Variants in MBD5 observed in about 807,000 individuals in gnomAD.
MBD5 encodes the protein methyl-CpG binding domain protein 5.
MBD5 carries 13 observed loss-of-function variants against 117.3 expected under a neutral mutation model. The ratio of observed to expected loss-of-function variants is 0.11; its 90% CI spans 0.07 to 0.18. The LOEUF is 0.18. Among genes scored for constraint, MBD5 ranks in the 10% least tolerant of loss-of-function variants. The probability of loss-of-function intolerance (pLI) is 1.00; values close to 1 mark genes in which losing one functional copy is unlikely to be tolerated. For missense variants in MBD5, 1,879 were observed against 2,093.8 expected (o/e 0.90, Z 2.00); for synonymous variants, 727 against 766.4 (o/e 0.95, Z 0.85).
intron 1 of MBD5, among the ~76,000 whole-genome samples, chr2:148,163,591 T>A (rs929959406): frequency 2.0e-5 from 3 of 152,096 alleles, no homozygotes; most frequent in African/African-American, 4.8e-5. Context: ...AATTTTGTAT[T>A]TGTAGTACAG....
At chr2:148,252,144 G>C (rs1415116292) in intron 3 of MBD5, among the ~76,000 whole-genome samples, 1 of 152,130 alleles carries the variant, frequency 6.6e-6, no homozygotes, top group Non-Finnish European at 1.5e-5. Flanking sequence ...GGCTTTTGCT[G>C]TCCAGAGTAT....
At chr2:148,100,353 CCT>C (rs1696176208) in intron 1 of MBD5, among the ~76,000 whole-genome samples, 1 of 152,176 alleles carries the variant, frequency 6.6e-6, no homozygotes, top group Non-Finnish European at 1.5e-5. Flanking sequence ...TAAGTTCAAA[CCT>C]CTATTTATAG....
chr2:148,302,030 G>C (rs1701786102), intron 3 of MBD5, among the ~76,000 whole-genome samples: 1 of 152,106 alleles, frequency 6.6e-6, no homozygotes, highest in Non-Finnish European at 1.5e-5. Flanking sequence ...TTGGGAATGG[G>C]GGGCCCTCTC....
At chr2:148,222,490 GTT>G (rs1233745251) in intron 2 of MBD5, among the ~76,000 whole-genome samples, 4 of 151,906 alleles carry the variant, frequency 2.6e-5, no homozygotes, top group African/African-American at 9.7e-5. Flanking sequence ...CTTTCATTAA[GTT>G]AATTCCTAGG....
intron 1 of MBD5, among the ~76,000 whole-genome samples, chr2:148,051,151 ATTC>A (rs1199138884): frequency 6.6e-6 from 1 of 152,082 alleles, no homozygotes; most frequent in Non-Finnish European, 1.5e-5. Context: ...GGCTAAATTT[ATTC>A]TTAAGTATTT....
chr2:148,412,300 GT>G (rs1705280224), intron 4 of MBD5, among the ~76,000 whole-genome samples: 1 of 150,132 alleles, frequency 6.7e-6, no homozygotes, highest in Non-Finnish European at 1.5e-5. Context: ...GTGTGTGTGT[GT>G]GTAGAGAGAG....
In MBD5 at chr2:148,267,093, G is replaced by C. The variant is rs1425675725; in HGVS notation, c.-680+33698G>C. On this transcript the variant is annotated intron_variant, in intron 3 of 13. Transcript: ENST00000642680. ...AACAAAAAACATGCAGGAGGTATGA[G>C]GCTAATGTTGATTTGGGAGGTGATG... Among the ~76,000 whole-genome samples, 3 of 152,254 alleles carry C rather than the reference G, an allele frequency of 2.0e-5. No individual in the cohort carries two copies. In the East Asian group the frequency reaches 5.8e-4, roughly 29 times the overall value.
intron 3 of MBD5, among the ~76,000 whole-genome samples, chr2:148,282,568 G>C (rs1381586781): frequency 2.6e-5 from 4 of 151,632 alleles, no homozygotes; most frequent in Non-Finnish European, 5.9e-5. Flanking sequence ...ATGTGTGTGT[G>C]TGTATATATA....
chr2:148,305,514 T>G (rs1701871458), intron 3 of MBD5, among the ~76,000 whole-genome samples: 1 of 152,162 alleles, frequency 6.6e-6, no homozygotes, highest in African/African-American at 2.4e-5. Context: ...CAAAGCATCT[T>G]TAAATGGTCG....
At chr2:148,178,532 T>G (rs1267072548) in intron 1 of MBD5, among the ~76,000 whole-genome samples, 168 bp from the exon 2 acceptor site, 1 of 152,226 alleles carries the variant, frequency 6.6e-6, no homozygotes, top group Non-Finnish European at 1.5e-5. Context: ...CGGTTAATCT[T>G]AATGTTATTG....
chr2:148,488,878 AG>A (rs1186795405), intron 10 of MBD5, among the ~76,000 whole-genome samples: 9 of 152,078 alleles, frequency 5.9e-5, no homozygotes, highest in Non-Finnish European at 1.3e-4. Flanking sequence ...TCTGAAAACT[AG>A]TGTCATGTTA....
intron 1 of MBD5, chr2:148,025,631 G>C (rs1323862236): frequency 6.7e-6 from 1 of 150,174 alleles, no homozygotes; most frequent in Non-Finnish European, 1.5e-5. Flanking sequence ...TCATATAACA[G>C]ATTATCATTC....
At chr2:148,335,539 C>T (rs77896420) in intron 3 of MBD5, among the ~76,000 whole-genome samples, 4,050 of 151,994 alleles carry the variant, frequency 0.027, 163 homozygotes, top group African/African-American at 0.092. Flanking sequence ...GGCAACATAG[C>T]GAGCCCTCTT....
At chr2:148,219,172 G>T (rs922817653) in intron 2 of MBD5, among the ~76,000 whole-genome samples, 1 of 151,762 alleles carries the variant, frequency 6.6e-6, no homozygotes, top group Admixed American at 6.6e-5. Flanking sequence ...AAACTTTGTT[G>T]TTAAAAACTA....
At chr2:148,423,296 G>A (rs1451353681) in intron 4 of MBD5, among the ~76,000 whole-genome samples, 1 of 151,664 alleles carries the variant, frequency 6.6e-6, no homozygotes, top group Non-Finnish European at 1.5e-5. Flanking sequence ...TTAAAGAAAA[G>A]AATTTTCTTT....
intron 2 of MBD5, among the ~76,000 whole-genome samples, chr2:148,221,913 T>G (rs940775992): frequency 7.9e-5 from 12 of 152,166 alleles, no homozygotes; most frequent in Non-Finnish European, 1.5e-4. Flanking sequence ...AAATCTTTAA[T>G]GTATTTCTAT....
intron 1 of MBD5, among the ~76,000 whole-genome samples, chr2:148,084,180 C>T (rs1695720458): frequency 6.6e-6 from 1 of 152,148 alleles, no homozygotes; most frequent in South Asian, 2.1e-4. Flanking sequence ...TCTTATGTCA[C>T]CATTAATATT....
intron 4 of MBD5, among the ~76,000 whole-genome samples, chr2:148,423,519 C>G (rs1403715035): frequency 1.3e-5 from 2 of 152,072 alleles, no homozygotes; most frequent in African/African-American, 2.4e-5. Context: ...TCATCACCAC[C>G]AGGCCTACCT....
At chr2:148,358,510 C>T (rs903680786) in intron 4 of MBD5, among the ~76,000 whole-genome samples, 18 of 151,786 alleles carry the variant, frequency 1.2e-4, no homozygotes, top group South Asian at 8.3e-4. Context: ...CAGTGGCTCA[C>T]GCCTGTAAGT....
Sources: allele counts gnomAD v4.1 joint callset (sites outside exome capture counted in the v4.1 genomes callset), GRCh38; gene constraint gnomAD v4.1.1; transcripts MANE v1.5; gene names NCBI Gene and HGNC (gene_info 2026-07-23, HGNC 2026-07-21).